Variants in POU2F3 observed in about 807,000 individuals in gnomAD.
The protein encoded by POU2F3 is POU domain, class 2, transcription factor 3.
POU2F3 carries 23 observed loss-of-function variants against 59.2 expected under a neutral mutation model. That is an observed-to-expected ratio of 0.39 (90% CI 0.28 to 0.55). The LOEUF (loss-of-function observed/expected upper bound fraction) is 0.55, where lower values mean the gene tolerates loss of function less well. Among genes scored for constraint, POU2F3 ranks in the 20% least tolerant of loss-of-function variants. POU2F3 has a pLI of 0.66. For missense variants in POU2F3, 473 were observed against 544.5 expected (o/e 0.87, Z 1.31); for synonymous variants, 190 against 214.6 (o/e 0.89, Z 1.00).
chr11:120,260,792 G>T (rs116632557), intron 2 of POU2F3, among the ~76,000 whole-genome samples: 1,796 of 152,266 alleles, frequency 0.012, 42 homozygotes, highest in African/African-American at 0.041. Flanking sequence ...CCAGAACCTC[G>T]CACGGTGACT....
At chr11:120,274,853 A>G (rs1940255638) in intron 3 of POU2F3, among the ~76,000 whole-genome samples, 1 of 152,198 alleles carries the variant, frequency 6.6e-6, no homozygotes. Flanking sequence ...AGATGAAACT[A>G]GGAAGGAAGG....
chr11:120,251,203 G>A (rs1022819865), intron 2 of POU2F3, among the ~76,000 whole-genome samples: 1 of 152,198 alleles, frequency 6.6e-6, no homozygotes, highest in Middle Eastern at 3.4e-3. Flanking sequence ...TGAACTCCTG[G>A]CCTGAAGCAA....
intron 11 of POU2F3, 88 bp downstream of exon 11, chr11:120,315,515 G>A (rs964888273): frequency 1.6e-6 from 2 of 1,274,092 alleles, no homozygotes; most frequent in East Asian, 2.3e-5. Flanking sequence ...CCTAAGTCAG[G>A]CTTCCCTAAA....
At chr11:120,247,339 A>G (rs1443126032) in intron 2 of POU2F3, among the ~76,000 whole-genome samples, 1 of 152,194 alleles carries the variant, frequency 6.6e-6, no homozygotes, top group African/African-American at 2.4e-5. Context: ...TGTCCCCCAG[A>G]GCTAAAATCT....
intron 8 of POU2F3, among the ~76,000 whole-genome samples, chr11:120,306,172 G>A (rs1213025162): frequency 6.6e-6 from 1 of 152,182 alleles, no homozygotes; most frequent in Non-Finnish European, 1.5e-5. Flanking sequence ...GGGCCTCTAG[G>A]GTCTCACTGG....
intron 1 of POU2F3, among the ~76,000 whole-genome samples, chr11:120,243,370 G>A (rs1385630587): frequency 6.6e-6 from 1 of 152,050 alleles, no homozygotes; most frequent in Non-Finnish European, 1.5e-5. Flanking sequence ...CCTGTGGGGA[G>A]TGCTTCCTCT....
Position 120,318,471 on chromosome 11 carries a change from A to G in POU2F3, c.*79A>G. ...GGAATCATGCCTTCTATATACAGACAGATTGCCTTCAGAAGAGTGGAAGAA... is the reference window on the plus strand; with the variant it reads ...GGAATCATGCCTTCTATATACAGACGGATTGCCTTCAGAAGAGTGGAAGAA... On this transcript the variant is annotated 3_prime_UTR_variant, in exon 13 of 13. Transcript: ENST00000543440. The G allele has an allele frequency of 7.1e-7, 1 of 1,403,386 alleles. No individual in the cohort carries two copies. Among genetic ancestry groups the G allele is most frequent in the Non-Finnish European group, 1.0e-6 (1 of 991,046 alleles). 86.9% of individuals were successfully genotyped at this position (1,403,386 alleles called of 1,614,324 possible). A position where few individuals can be genotyped will look rare whatever the true frequency, so the allele number is the denominator to read the frequency against.
At chr11:120,305,463 A>G in intron 7 of POU2F3, 181 bp from the exon 8 acceptor site, 1 of 1,066,804 alleles carries the variant, frequency 9.4e-7, no homozygotes, top group Non-Finnish European at 1.3e-6. Flanking sequence ...CTGAGAGTCT[A>G]AGGAGAGAAA....
chr11:120,246,639 T>A, intron 2 of POU2F3, 122 bp downstream of exon 2: 1 of 985,782 alleles, frequency 1.0e-6, no homozygotes. Context: ...AAGCTAGGTC[T>A]TAGGAACTAA....
Position 120,309,560 on chromosome 11 carries a change from A to C in POU2F3, c.1042A>C (p.Lys348Gln). The C allele has an allele frequency of 6.2e-7, 1 of 1,613,968 alleles. No homozygotes were observed. The highest frequency in any genetic ancestry group is 8.5e-7 in the Non-Finnish European group (1 of 1,179,918). ...CAACTGCCCTGTGGCCACACCCATC[A>C]AACCACCTGTCTACAACTCCCGGCT... ...RINCPVATPI[K>Q]PPVYNSRLVS... Residue 348 changes from lysine to glutamine, a missense_variant, in exon 10 of 13, where the codon AAA (lysine) becomes CAA (glutamine). Lys to Gln is a moderately conservative substitution (Grantham distance 53). Coordinates refer to ENST00000543440, the MANE Select transcript of POU2F3 (RefSeq NM_014352.4).
chr11:120,316,944 G>C (rs1941803279), intron 11 of POU2F3, among the ~76,000 whole-genome samples: 2 of 152,186 alleles, frequency 1.3e-5, no homozygotes, highest in African/African-American at 4.8e-5. Flanking sequence ...AGAGTAGGAT[G>C]ATTTTGGCAT....
At chr11:120,305,825 C>A in intron 8 of POU2F3, 40 bp downstream of exon 8, 1 of 1,608,282 alleles carries the variant, frequency 6.2e-7, no homozygotes, top group South Asian at 1.1e-5. Context: ...CCCTAGAGGG[C>A]TCTGCAGGGA....
chr11:120,244,278 G>C (rs1938782903), intron 1 of POU2F3, among the ~76,000 whole-genome samples: 1 of 152,180 alleles, frequency 6.6e-6, no homozygotes, highest in Non-Finnish European at 1.5e-5. Context: ...ATGGGGCAAG[G>C]GGTTAATGGA....
intron 3 of POU2F3, among the ~76,000 whole-genome samples, chr11:120,274,659 G>A (rs1424970719): frequency 1.3e-5 from 2 of 152,174 alleles, no homozygotes; most frequent in East Asian, 3.8e-4. Flanking sequence ...CAAGAAATTT[G>A]GATCTGGAGC....
At chr11:120,298,480 A>C in intron 4 of POU2F3, 90 bp downstream of exon 4, 1 of 1,543,504 alleles carries the variant, frequency 6.5e-7, no homozygotes. Flanking sequence ...TCGTCTAAAG[A>C]ACCCCCTGCA....
chr11:120,314,744 G>A (rs565348989), intron 10 of POU2F3, among the ~76,000 whole-genome samples: 3 of 152,264 alleles, frequency 2.0e-5, no homozygotes, highest in South Asian at 4.2e-4. Context: ...TTGCATGGGA[G>A]GGTAAACAAA....
chr11:120,296,181 A>G (rs1941187216), intron 3 of POU2F3, among the ~76,000 whole-genome samples: 1 of 152,246 alleles, frequency 6.6e-6, no homozygotes, highest in African/African-American at 2.4e-5. Context: ...TTAGGGCTAG[A>G]AACAAGATCA....
At position 120,246,552 on chromosome 11, in the gene POU2F3, G is replaced by T. The variant is rs7114851; in HGVS notation, c.97+35G>T. ...TTCTCTTCTCGGGGATGGAGGGGGT[G>T]GGGGGAAGAGAGTTGTTGGGAATTG... On this transcript the variant is annotated intron_variant, in intron 2 of 12. Coordinates refer to ENST00000543440, the MANE Select transcript of POU2F3 (RefSeq NM_014352.4). 8 of 1,596,844 alleles carry T rather than the reference G, an allele frequency of 5.0e-6. No individual in the cohort carries two copies. In the South Asian group the frequency reaches 5.5e-5, roughly 11 times the overall value.
intron 10 of POU2F3, among the ~76,000 whole-genome samples, chr11:120,311,620 G>A (rs543609036): frequency 1.3e-5 from 2 of 152,324 alleles, no homozygotes; most frequent in South Asian, 4.1e-4. Context: ...GATGATTTCA[G>A]TTCTTATGTC....
Sources: gnomAD v4.1 joint callset for allele counts (sites outside exome capture counted in the v4.1 genomes callset) on GRCh38, gnomAD v4.1.1 for gene constraint, MANE v1.5 for transcripts, NCBI Gene and HGNC (gene_info 2026-07-23, HGNC 2026-07-21) for gene names.